Variants in DHRS13 observed in about 807,000 individuals in gnomAD.
DHRS13 encodes dehydrogenase/reductase 13, also known as dehydrogenase/reductase SDR family member 13.
A neutral mutation model predicts 17.9 loss-of-function variants in DHRS13; 22 were observed. The ratio of observed to expected loss-of-function variants is 1.23; its 90% CI spans 0.88 to 1.75. The LOEUF (loss-of-function observed/expected upper bound fraction) is 1.75. Ranked by LOEUF, DHRS13 falls within the 40% of genes most tolerant of loss-of-function variation. DHRS13 has a pLI of 0.00. For synonymous variants in DHRS13, 206 were observed against 220.4 expected (o/e 0.93, Z 0.58); for missense variants, 483 against 519.9 (o/e 0.93, Z 0.69).
Position 28,902,998 on chromosome 17 carries a change from C to G in DHRS13, c.-54G>C. On this transcript the variant is annotated 5_prime_UTR_variant, in exon 1 of 5. Coordinates refer to ENST00000378895, the MANE Select transcript of DHRS13 (RefSeq NM_144683.4). This position sits in a 1 kb window ranked among gnomAD's most constrained non-coding sequence, Gnocchi z 4.0. ...GGCCCCGCACCGCCCTGGATCGCCG[C>G]CAGGCGGCTGCCGATCCGCCCTGCA... 7.4e-7 allele frequency: 1 copy of G among 1,353,744 alleles called. No homozygotes were observed. The highest frequency in any genetic ancestry group is 9.4e-7 in the Non-Finnish European group (1 of 1,059,066). The allele number at this position is 1,353,744 out of a possible 1,614,324, so 83.9% of individuals were successfully genotyped here. A position where few individuals can be genotyped will look rare whatever the true frequency, so the allele number is the denominator to read the frequency against.
chr17:28,899,983 G>A lies in DHRS13; in HGVS notation c.682+1007C>T, dbSNP rs1182046270. On this transcript the variant is annotated intron_variant, in intron 4 of 4. Transcript: ENST00000378895. This position sits in a 1 kb window ranked among gnomAD's most constrained non-coding sequence, Gnocchi z 4.7. ...GGCTGGAGTGCGGTGGCGTGATCAC[G>A]GCTCACTGCAACCTCCACCTCCCGG... Among the ~76,000 whole-genome samples, 1 of 150,368 alleles carries A rather than the reference G, an allele frequency of 6.7e-6. No homozygotes were observed. Among genetic ancestry groups the A allele is most frequent in the African/African-American group, 2.5e-5 (1 of 40,724 alleles).
In DHRS13 at chr17:28,899,001, A is replaced by T; in HGVS notation, c.683-109T>A. ...AGGATCACTTGAGCCCAGGAGTTTG[A>T]GACCAGACTGGGCAACATAGTCAAG... On this transcript the variant is annotated intron_variant, in intron 4 of 4. Transcript: ENST00000378895. The surrounding 1 kb of genome is among the most constrained non-coding windows in gnomAD (Gnocchi z 4.7). 1 of 1,058,194 alleles carries T rather than the reference A, an allele frequency of 9.5e-7. No homozygotes were observed. Among genetic ancestry groups the T allele is most frequent in the Non-Finnish European group, 1.3e-6 (1 of 753,448 alleles). 65.6% of individuals were successfully genotyped at this position (1,058,194 alleles called of 1,614,324 possible).
Position 28,901,090 on chromosome 17 carries a change from C to T in DHRS13, c.582G>A (p.Leu194=). The stretch of plus-strand genomic sequence containing the variant: ...CCAGCTTAGTGTCAGCATATGCCCG[C>T]AGCTCCTGCCGCCAGCCCACCACTG... ...DRPVVGWRQE[L]RAYADTKLAN... Residue 194 remains leucine (L), a synonymous_variant, in exon 4 of 5, where the codon CTG becomes CTA. Transcript: ENST00000378895. This position sits in a 1 kb window ranked among gnomAD's most constrained non-coding sequence, Gnocchi z 4.3. The T allele has an allele frequency of 1.9e-6, 3 of 1,614,226 alleles. No individual in the cohort carries two copies. Among genetic ancestry groups the T allele is most frequent in the Non-Finnish European group, 1.7e-6 (2 of 1,180,046 alleles).
At position 28,898,767 on chromosome 17, in the gene DHRS13, G is replaced by C; in HGVS notation, c.808C>G (p.Leu270Val). Residue 270 changes from leucine to valine, a missense_variant, in exon 5 of 5, where the codon CTA becomes GTA. Coordinates refer to ENST00000378895, the MANE Select transcript of DHRS13 (RefSeq NM_144683.4). ...GGAQTPLYCA[L>V]QEGIEPLSGR... ...CTGAGGGGCTCGATGCCCTCTTGTA[G>C]AGCACAATACAGGGGTGTCTGGGCA... is the stretch of plus-strand genomic sequence containing the variant. 1 of 1,613,550 alleles carries C rather than the reference G, an allele frequency of 6.2e-7. No individual in the cohort carries two copies. Among genetic ancestry groups the C allele is most frequent in the Non-Finnish European group, 8.5e-7 (1 of 1,179,808 alleles).
chr17:28,902,263 G>A lies in DHRS13; in HGVS notation c.246+320C>T. 3.7e-6 allele frequency: 1 copy of A among 272,064 alleles called. No homozygotes were observed. Among genetic ancestry groups the A allele is most frequent in the Non-Finnish European group, 6.9e-6 (1 of 144,658 alleles). 16.9% of individuals were successfully genotyped at this position (272,064 alleles called of 1,614,324 possible). ...ATCTTTTTCTCAGTTTTTCAGATCA[G>A]TCCAGCTCTCTTTGCCTCAGAGCCT... is the stretch of plus-strand genomic sequence containing the variant. On this transcript the variant is annotated intron_variant, in intron 2 of 4. Coordinates refer to ENST00000378895, the MANE Select transcript of DHRS13 (RefSeq NM_144683.4). This position sits in a 1 kb window ranked among gnomAD's most constrained non-coding sequence, Gnocchi z 4.0.
rs2039819070 is a variant in DHRS13, at chr17:28,902,893, C to G, written c.52G>C (p.Val18Leu). ...AGLLLGAYVL[V>L]YYNLVKAPPC... The stretch of plus-strand genomic sequence containing the variant: ...GGGGCCTTCACCAGGTTGTAGTAGA[C>G]AAGCACGTAAGCGCCCAGCAGCAAC... Residue 18 changes from valine (V) to leucine (L), a missense_variant, in exon 1 of 5, where the codon GTC becomes CTC. Transcript: ENST00000378895. The surrounding 1 kb of genome is among the most constrained non-coding windows in gnomAD (Gnocchi z 4.0). The G allele has an allele frequency of 6.4e-7, 1 of 1,556,882 alleles. No homozygotes were observed. The highest frequency in any genetic ancestry group is 2.5e-5 in the East Asian group (1 of 39,860).
In DHRS13 at chr17:28,898,613, G is replaced by T; in HGVS notation, c.962C>A (p.Pro321His). ...AGLGPGEDAE[P>H]DEDPQSEDSE... ...GTCCTCAGACTGGGGGTCTTCATCG[G>T]GTTCAGCATCCTCCCCAGGCCCAAG... The change falls in exon 5 of 5, where the codon CCC (proline) becomes CAC (histidine). Residue 321 changes from proline to histidine, a missense_variant. Transcript: ENST00000378895. 2 of 1,613,612 alleles carry T rather than the reference G, an allele frequency of 1.2e-6. No homozygotes were observed. The highest frequency in any genetic ancestry group is 1.7e-6 in the Non-Finnish European group (2 of 1,179,824).
rs1249782709 is a variant in DHRS13 at position 28,898,500 on chromosome 17, A to C, written c.1075T>G (p.Leu359Val). 1.2e-6 allele frequency: 2 copies of C among 1,600,490 alleles called. No individual in the cohort carries two copies. The highest frequency in any genetic ancestry group is 1.7e-6 in the Non-Finnish European group (2 of 1,173,160). ...PYPSPQSSPDLSKMTHRIQAK... is the reference protein window; with the variant it reads ...PYPSPQSSPDVSKMTHRIQAK... ...TGAATTCGGTGCGTCATCTTAGACAAATCTGGTGAGCTCTGAGGGCTGGGG... is the reference window on the plus strand; with the variant it reads ...TGAATTCGGTGCGTCATCTTAGACACATCTGGTGAGCTCTGAGGGCTGGGG... Residue 359 changes from leucine to valine, a missense_variant, in exon 5 of 5, where the codon TTG becomes GTG. Coordinates refer to ENST00000378895, the MANE Select transcript of DHRS13 (RefSeq NM_144683.4).
In DHRS13 at chr17:28,899,757, GAGT is replaced by G. The variant is rs1335145787; in HGVS notation, c.683-868_683-866del. 1.3e-5 allele frequency among the ~76,000 whole-genome samples: 2 copies of G among 152,164 alleles called. No homozygotes were observed. Among genetic ancestry groups the G allele is most frequent in the Non-Finnish European group, 2.9e-5 (2 of 68,042 alleles). On this transcript the variant is annotated intron_variant, in intron 4 of 4. Coordinates refer to ENST00000378895, the MANE Select transcript of DHRS13 (RefSeq NM_144683.4). The surrounding 1 kb of genome is among the most constrained non-coding windows in gnomAD (Gnocchi z 4.7). Reference sequence around the variant, plus strand: ...GAGTCTCGCTCTGTCACCCAGGCTGGAGTACAGTGGCGAGATCTCAGCTTACTG... The same window carrying G: ...GAGTCTCGCTCTGTCACCCAGGCTGGACAGTGGCGAGATCTCAGCTTACTG...
chr17:28,902,551 T>C lies in DHRS13; in HGVS notation c.246+32A>G, dbSNP rs963383249. ...CTCTGTGTCCCGGCGGGTTCTCGGCTCACCGTCCCACGCGCCCCCGCTGCC... is the reference window on the plus strand; with the variant it reads ...CTCTGTGTCCCGGCGGGTTCTCGGCCCACCGTCCCACGCGCCCCCGCTGCC... On this transcript the variant is annotated intron_variant, in intron 2 of 4. Coordinates refer to ENST00000378895, the MANE Select transcript of DHRS13 (RefSeq NM_144683.4). This position sits in a 1 kb window ranked among gnomAD's most constrained non-coding sequence, Gnocchi z 4.0. 1.4e-6 allele frequency: 2 copies of C among 1,461,252 alleles called. No homozygotes were observed. The highest frequency in any genetic ancestry group is 2.5e-5 in the Admixed American group (1 of 39,350). The allele number at this position is 1,461,252 out of a possible 1,614,324, so 90.5% of individuals were successfully genotyped here. A position where few individuals can be genotyped will look rare whatever the true frequency, so the allele number is the denominator to read the frequency against.
At position 28,898,598 on chromosome 17, in the gene DHRS13, TG is replaced by T. The variant is rs755158320; in HGVS notation, c.976del (p.Gln326SerfsTer11). The T allele has an allele frequency of 1.2e-6, 2 of 1,613,442 alleles. No homozygotes were observed. The highest frequency in any genetic ancestry group is 1.7e-6 in the Non-Finnish European group (2 of 1,179,774). On this transcript the variant is annotated frameshift_variant, in exon 5 of 5. Coordinates refer to ENST00000378895, the MANE Select transcript of DHRS13 (RefSeq NM_144683.4). LOFTEE classifies it low-confidence loss of function (END_TRUNC). ...GEDAEPDEDP[Q>X]SEDSEAPSSL... ...AGATGGGGCCTCTGAGTCCTCAGACTGGGGGTCTTCATCGGGTTCAGCATCC... is the reference window on the plus strand; with the variant it reads ...AGATGGGGCCTCTGAGTCCTCAGACTGGGGTCTTCATCGGGTTCAGCATCC...
In DHRS13 at chr17:28,902,788, C is replaced by A; in HGVS notation, c.127+30G>T. The A allele has an allele frequency of 6.7e-7, 1 of 1,487,836 alleles. No homozygotes were observed. Among genetic ancestry groups the A allele is most frequent in the East Asian group, 2.9e-5 (1 of 34,168 alleles). The allele number at this position is 1,487,836 out of a possible 1,614,324, so 92.2% of individuals were successfully genotyped here. ...CCGGCCTCCTCTCCGCGCGCCCCGCCAGCTCGCACTCACCCGCCTCCGCAC... is the reference window on the plus strand; with the variant it reads ...CCGGCCTCCTCTCCGCGCGCCCCGCAAGCTCGCACTCACCCGCCTCCGCAC... On this transcript the variant is annotated intron_variant, in intron 1 of 4. Transcript: ENST00000378895. The surrounding 1 kb of genome is among the most constrained non-coding windows in gnomAD (Gnocchi z 4.0).
In DHRS13 at chr17:28,902,595, GA is replaced by G; in HGVS notation, c.233del (p.Phe78SerfsTer33). 6.8e-7 allele frequency: 1 copy of G among 1,478,408 alleles called. No homozygotes were observed. The highest frequency in any genetic ancestry group is 8.9e-7 in the Non-Finnish European group (1 of 1,123,534). 91.6% of individuals were successfully genotyped at this position (1,478,408 alleles called of 1,614,324 possible). ...RSQERGEAAAFDLRQESGNNE... is the reference protein window; with the variant it reads ...RSQERGEAAAXDLRQESGNNE... ...CGCTGCCTCTCACCTGGCGGAGGTC[GA>G]AGGCAGCCGCCTCCCCGCGCTCCTG... On this transcript the variant is annotated frameshift_variant, in exon 2 of 5. Coordinates refer to ENST00000378895, the MANE Select transcript of DHRS13 (RefSeq NM_144683.4). LOFTEE classifies it high-confidence loss of function. This position sits in a 1 kb window ranked among gnomAD's most constrained non-coding sequence, Gnocchi z 4.0.
In DHRS13 at chr17:28,902,581, A is replaced by C. The variant is rs2152652841; in HGVS notation, c.246+2T>G. 1.4e-6 allele frequency: 2 copies of C among 1,475,238 alleles called. No homozygotes were observed. Among genetic ancestry groups the C allele is most frequent in the East Asian group, 3.0e-5 (1 of 33,440 alleles). The allele number at this position is 1,475,238 out of a possible 1,614,324, so 91.4% of individuals were successfully genotyped here. On this transcript the variant is annotated splice_donor_variant, in intron 2 of 4. Transcript: ENST00000378895. LOFTEE classifies it high-confidence loss of function. This position sits in a 1 kb window ranked among gnomAD's most constrained non-coding sequence, Gnocchi z 4.0. Reference sequence around the variant, plus strand: ...GTCCCACGCGCCCCCGCTGCCTCTCACCTGGCGGAGGTCGAAGGCAGCCGC... The same window carrying C: ...GTCCCACGCGCCCCCGCTGCCTCTCCCCTGGCGGAGGTCGAAGGCAGCCGC...
chr17:28,901,734 T>TA lies in DHRS13; in HGVS notation c.247-119dup, dbSNP rs2039807577. 2.0e-6 allele frequency: 3 copies of TA among 1,473,000 alleles called. No homozygotes were observed. Among genetic ancestry groups the TA allele is most frequent in the Non-Finnish European group, 2.7e-6 (3 of 1,102,298 alleles). The allele number at this position is 1,473,000 out of a possible 1,614,324, so 91.2% of individuals were successfully genotyped here. On this transcript the variant is annotated intron_variant, in intron 2 of 4. Transcript: ENST00000378895. This position sits in a 1 kb window ranked among gnomAD's most constrained non-coding sequence, Gnocchi z 4.3. Reference sequence around the variant, plus strand: ...TTTACTAAAATCTGCCCCTGTGTCTTAGAGTGTACTAGATAAGTGTGTGGA... The same window carrying TA: ...TTTACTAAAATCTGCCCCTGTGTCTTAAGAGTGTACTAGATAAGTGTGTGGA...
chr17:28,901,030 C>T lies in DHRS13; in HGVS notation c.642G>A (p.Gln214=), dbSNP rs747800183. Residue 214 remains glutamine, a synonymous_variant, in exon 4 of 5, where the codon CAG becomes CAA. Coordinates refer to ENST00000378895, the MANE Select transcript of DHRS13 (RefSeq NM_144683.4). The surrounding 1 kb of genome is among the most constrained non-coding windows in gnomAD (Gnocchi z 4.3). ...AGCAGGTGACGCCAGTGGCCTCAAG[C>T]TGGTTGGCGAGCTCCCGGGCAAACA... ...NVLFARELAN[Q]LEATGVTCYA... 1.2e-6 allele frequency: 2 copies of T among 1,610,706 alleles called. No individual in the cohort carries two copies. The highest frequency in any genetic ancestry group is 1.7e-6 in the Non-Finnish European group (2 of 1,177,582).
In DHRS13 at chr17:28,903,036, G is replaced by A. The variant is rs894305670; in HGVS notation, c.-92C>T. On this transcript the variant is annotated 5_prime_UTR_variant, in exon 1 of 5. Transcript: ENST00000378895. The surrounding 1 kb of genome is among the most constrained non-coding windows in gnomAD (Gnocchi z 4.8). Reference sequence around the variant, plus strand: ...GATCCGCCCTGCACAGGCCTGGAACGGCGCCCGGGCGCGTCAGCCTCCGAA... The same window carrying A: ...GATCCGCCCTGCACAGGCCTGGAACAGCGCCCGGGCGCGTCAGCCTCCGAA... The A allele has an allele frequency of 8.9e-6, 10 of 1,127,014 alleles. No individual in the cohort carries two copies. The highest frequency in any genetic ancestry group is 3.0e-4 in the Middle Eastern group (1 of 3,318). 69.8% of individuals were successfully genotyped at this position (1,127,014 alleles called of 1,614,324 possible). A position where few individuals can be genotyped will look rare whatever the true frequency, so the allele number is the denominator to read the frequency against.
chr17:28,901,863 A>C lies in DHRS13; in HGVS notation c.247-247T>G. The C allele has an allele frequency of 1.9e-6, 1 of 525,130 alleles. No individual in the cohort carries two copies. The allele number at this position is 525,130 out of a possible 1,614,324, so 32.5% of individuals were successfully genotyped here. On this transcript the variant is annotated intron_variant, in intron 2 of 4. Coordinates refer to ENST00000378895, the MANE Select transcript of DHRS13 (RefSeq NM_144683.4). This position sits in a 1 kb window ranked among gnomAD's most constrained non-coding sequence, Gnocchi z 4.3. ...CTGCGTAAAGGGAATAATAATAACA[A>C]CAGTCCCAATCTCACTGAGCTTTTG...
At position 28,902,244 on chromosome 17, in the gene DHRS13, T is replaced by C; in HGVS notation, c.246+339A>G. 4.7e-6 allele frequency: 1 copy of C among 213,510 alleles called. No homozygotes were observed. Among genetic ancestry groups the C allele is most frequent in the Non-Finnish European group, 9.3e-6 (1 of 108,094 alleles). The allele number at this position is 213,510 out of a possible 1,614,324, so 13.2% of individuals were successfully genotyped here. A position where few individuals can be genotyped will look rare whatever the true frequency, so the allele number is the denominator to read the frequency against. On this transcript the variant is annotated intron_variant, in intron 2 of 4. Coordinates refer to ENST00000378895, the MANE Select transcript of DHRS13 (RefSeq NM_144683.4). This position sits in a 1 kb window ranked among gnomAD's most constrained non-coding sequence, Gnocchi z 4.0. Reference sequence around the variant, plus strand: ...TGTGCTCCAGCCTCATTAAATCTTTTTCTCAGTTTTTCAGATCAGTCCAGC... The same window carrying C: ...TGTGCTCCAGCCTCATTAAATCTTTCTCTCAGTTTTTCAGATCAGTCCAGC...
Sources: gnomAD v4.1 joint callset for allele counts (sites outside exome capture counted in the v4.1 genomes callset) on GRCh38, gnomAD v4.1.1 for gene constraint, Gnocchi (gnomAD v3.1) non-coding constraint, MANE v1.5 for transcripts, NCBI Gene and HGNC (gene_info 2026-07-23, HGNC 2026-07-21) for gene names.